VPS13B: variants seen among roughly 807,000 people sequenced by gnomAD.
The protein encoded by VPS13B is vacuolar protein sorting 13 homolog B.
VPS13B carries 285 observed loss-of-function variants against 426.4 expected under a neutral mutation model. The ratio of observed to expected loss-of-function variants is 0.67; its 90% confidence interval spans 0.61 to 0.74. The LOEUF (loss-of-function observed/expected upper bound fraction) is 0.74, where lower values mean the gene tolerates loss of function less well. VPS13B is among the 30% of genes least tolerant of loss of function. The probability of loss-of-function intolerance (pLI) is 0.00; values close to 1 mark genes in which losing one functional copy is unlikely to be tolerated. For missense variants in VPS13B, 4,537 were observed against 4,782.6 expected, an observed-to-expected ratio of 0.95 and a Z score of 1.51; for synonymous variants, 1,676 against 1,676.4, an observed-to-expected ratio of 1.00 and a Z score of 0.01.
intron 30 of VPS13B, among the ~76,000 whole-genome samples, chr8:99,539,549 C>CA (rs1823448288): frequency 6.6e-6 from 1 of 151,966 alleles, no homozygotes; most frequent in African/African-American, 2.4e-5. Flanking sequence ...GGTTTGATAC[C>CA]AACCTGGTCA....
chr8:99,503,959 C>A (rs973490147), intron 27 of VPS13B, among the ~76,000 whole-genome samples: 1 of 152,186 alleles, frequency 6.6e-6, no homozygotes, highest in African/African-American at 2.4e-5. Flanking sequence ...CTAGAACCTT[C>A]GGAAGAATCA....
At chr8:99,237,897 G>T (rs1246534338) in intron 17 of VPS13B, among the ~76,000 whole-genome samples, 1 of 150,690 alleles carries the variant, frequency 6.6e-6, no homozygotes, top group African/African-American at 2.4e-5. Context: ...AATTAAGAAT[G>T]GCAAACTCCT....
chr8:99,074,740 A>G (rs1014520655), intron 3 of VPS13B, among the ~76,000 whole-genome samples: 1 of 151,888 alleles, frequency 6.6e-6, no homozygotes, highest in Non-Finnish European at 1.5e-5. Context: ...GGTTCACACA[A>G]TTCTCCTGCC....
intron 14 of VPS13B, among the ~76,000 whole-genome samples, chr8:99,153,566 A>G (rs1398779725): frequency 2.0e-5 from 3 of 152,198 alleles, no homozygotes; most frequent in African/African-American, 7.2e-5. Flanking sequence ...ACAGGTAGTC[A>G]GAGTTTCTTA....
At chr8:99,604,244 T>C (rs1292154702) in intron 33 of VPS13B, among the ~76,000 whole-genome samples, 1 of 152,196 alleles carries the variant, frequency 6.6e-6, no homozygotes, top group Non-Finnish European at 1.5e-5. Flanking sequence ...AGTTGCCTTA[T>C]ATACTGTACC....
intron 35 of VPS13B, among the ~76,000 whole-genome samples, chr8:99,683,004 CATTTT>C (rs1563860809): frequency 1.3e-5 from 2 of 152,184 alleles, no homozygotes; most frequent in Admixed American, 1.3e-4. Flanking sequence ...TCTAATTTTA[CATTTT>C]ATATTTAAAT....
At chr8:99,843,015 T>C (rs1306074795) in intron 54 of VPS13B, among the ~76,000 whole-genome samples, 1 of 152,032 alleles carries the variant, frequency 6.6e-6, no homozygotes, top group Non-Finnish European at 1.5e-5. Context: ...TAGCTGGACA[T>C]GGTGGCAAAC....
At chr8:99,445,658 A>G (rs1368496164) in intron 23 of VPS13B, among the ~76,000 whole-genome samples, 3 of 151,808 alleles carry the variant, frequency 2.0e-5, no homozygotes, top group African/African-American at 7.3e-5. Flanking sequence ...TCCACAAAGT[A>G]TGTTTTAGTT....
At chr8:99,714,855 G>A (rs933109840) in intron 36 of VPS13B, among the ~76,000 whole-genome samples, 7 of 152,156 alleles carry the variant, frequency 4.6e-5, no homozygotes, top group Non-Finnish European at 7.4e-5. Context: ...AAGCTTTGAT[G>A]ATTAAATTCA....
At chr8:99,253,142 A>T (rs1205374628) in intron 17 of VPS13B, among the ~76,000 whole-genome samples, 1 of 152,092 alleles carries the variant, frequency 6.6e-6, no homozygotes, top group Admixed American at 6.5e-5. Context: ...TTCAAAGTTT[A>T]TTCTTGTTGT....
rs1846415935 is a variant in VPS13B at position 99,096,338 on chromosome 8, T to C, written c.318T>C (p.Asn106=). 1.2e-6 allele frequency: 2 copies of C among 1,614,038 alleles called. No homozygotes were observed. The highest frequency in any genetic ancestry group is 1.3e-5 in the African/African-American group (1 of 74,948). Residue 106 remains asparagine (N), a synonymous_variant, in exon 4 of 62, where the codon AAT becomes AAC. Transcript: ENST00000357162. Reference sequence around the variant, plus strand: ...ATGACCATGAAAGCTGTGGTTCTAATTCTACCAACCGTAGTACTGCTGAGA... The same window carrying C: ...ATGACCATGAAAGCTGTGGTTCTAACTCTACCAACCGTAGTACTGCTGAGA... ...IQDDHESCGS[N]STNRSTAEST... is the part of the protein sequence containing the mutation.
chr8:99,405,190 T>C (rs188227270), intron 21 of VPS13B, among the ~76,000 whole-genome samples: 2 of 152,302 alleles, frequency 1.3e-5, no homozygotes, highest in Admixed American at 6.5e-5. Flanking sequence ...TTTTTTCTCT[T>C]TTTTAAAGGT....
intron 53 of VPS13B, 42 bp from the exon 54 acceptor site, chr8:99,835,497 C>G (rs1563499600): frequency 6.3e-7 from 1 of 1,596,044 alleles, no homozygotes; most frequent in South Asian, 1.1e-5. Flanking sequence ...AAGTCTCTGT[C>G]TTTAAGGGCT....
chr8:99,195,963 T>TG (rs1455479832), intron 17 of VPS13B, among the ~76,000 whole-genome samples: 1 of 152,216 alleles, frequency 6.6e-6, no homozygotes, highest in African/African-American at 2.4e-5. Flanking sequence ...TGCTATAGCC[T>TG]GTTAGTATAA....
rs185429829 is a variant in VPS13B at position 99,316,453 on chromosome 8, C to T, written c.2824+41199C>T. On this transcript the variant is annotated intron_variant, in intron 19 of 61. Coordinates refer to ENST00000357162, the MANE Select transcript of VPS13B (RefSeq NM_152564.5). ...CAGGGCGTTTGGGACATGGCATAAGCGCCCTCTCTGCAGCAATGCCATTAC... is the reference window on the plus strand; with the variant it reads ...CAGGGCGTTTGGGACATGGCATAAGTGCCCTCTCTGCAGCAATGCCATTAC... Among the ~76,000 whole-genome samples the T allele has an allele frequency of 3.9e-5, 6 of 152,278 alleles. No individual in the cohort carries two copies. The East Asian group carries it at 7.7e-4, about 20-fold the overall frequency.
chr8:99,698,092 G>T (rs1009934574), intron 35 of VPS13B: 3 of 305,456 alleles, frequency 9.8e-6, no homozygotes, highest in Non-Finnish European at 1.9e-5. Flanking sequence ...TTGCTTTGAG[G>T]TGATTCTCAG....
intron 31 of VPS13B, among the ~76,000 whole-genome samples, chr8:99,559,452 T>C (rs1824773641): frequency 6.6e-6 from 1 of 152,196 alleles, no homozygotes; most frequent in African/African-American, 2.4e-5. Context: ...TGCCATTGCT[T>C]TTGGTGTTTT....
chr8:99,745,814 A>T (rs1242272016), intron 39 of VPS13B, among the ~76,000 whole-genome samples: 1 of 152,086 alleles, frequency 6.6e-6, no homozygotes, highest in African/African-American at 2.4e-5. Flanking sequence ...TTTTTCTGGA[A>T]TATTTTAAAA....
At chr8:99,274,433 G>T in intron 18 of VPS13B, 101 bp downstream of exon 18, 1 of 1,564,068 alleles carries the variant, frequency 6.4e-7, no homozygotes, top group East Asian at 2.3e-5. Flanking sequence ...ACTCACTGTT[G>T]CTATGAATCA....
Sources: gnomAD v4.1 joint callset for allele counts (sites outside exome capture counted in the v4.1 genomes callset) on GRCh38, gnomAD v4.1.1 for gene constraint, MANE v1.5 for transcripts, NCBI Gene and HGNC (gene_info 2026-07-23, HGNC 2026-07-21) for gene names.